The following LRRC7 variants were observed in gnomAD, a reference collection of about 807,000 sequenced individuals.
LRRC7 encodes leucine rich repeat containing 7, also known as leucine-rich repeat-containing protein 7.
A neutral mutation model predicts 175.7 loss-of-function variants in LRRC7; 23 were observed. The ratio of observed to expected loss-of-function variants is 0.13; its 90% CI spans 0.09 to 0.19. LRRC7 has a LOEUF of 0.19. Ranked by LOEUF, LRRC7 falls within the 10% of genes least tolerant of loss-of-function variation. The probability of loss-of-function intolerance (pLI) is 1.00; values close to 1 mark genes in which losing one functional copy is unlikely to be tolerated. For synonymous variants in LRRC7, 685 were observed against 680.9 expected (o/e 1.01, Z -0.09); for missense variants, 1,354 against 1,904.7 (o/e 0.71, Z 5.38).
intron 7 of LRRC7, among the ~76,000 whole-genome samples, chr1:69,878,353 T>C (rs1216718260): frequency 2.0e-5 from 3 of 151,578 alleles, no homozygotes; most frequent in East Asian, 1.9e-4. Context: ...GGGGCAAAAG[T>C]GCATCTAGAA....
intron 26 of LRRC7, among the ~76,000 whole-genome samples, chr1:70,120,966 A>G (rs1344622747): frequency 6.6e-6 from 1 of 152,092 alleles, no homozygotes; most frequent in Non-Finnish European, 1.5e-5. Context: ...ACAATCTGCA[A>G]CTTAATGTAG....
chr1:69,760,306 T>C lies in LRRC7; in HGVS notation c.216T>C (p.Leu72=), dbSNP rs758352734. The change falls in exon 3 of 27, where the codon CTT becomes CTC. Residue 72 remains leucine, a synonymous_variant. Transcript: ENST00000651989. The stretch of plus-strand genomic sequence containing the variant: ...TTTTAGATTACTCCCACTGCAGTCT[T>C]CAGCAGGTGCCAAAGGAGGTCTTTA... ...ISVLDYSHCS[L]QQVPKEVFNF... is the part of the protein sequence containing the mutation. 1 of 1,612,756 alleles carries C rather than the reference T, an allele frequency of 6.2e-7. No homozygotes were observed. The highest frequency in any genetic ancestry group is 8.5e-7 in the Non-Finnish European group (1 of 1,179,338).
rs1647195846 is a variant in LRRC7 at position 69,929,356 on chromosome 1, T to C, written c.648-2151T>C. Among the ~76,000 whole-genome samples, 5 of 152,182 alleles carry C rather than the reference T, an allele frequency of 3.3e-5. No homozygotes were observed. The South Asian group carries it at 1.0e-3, about 32-fold the overall frequency. ...GAGTAGAAATTTCCAACTGAACACC[T>C]AAAACTGAACTTCCAGTCTACCCAA... On this transcript the variant is annotated intron_variant, in intron 7 of 26. Coordinates refer to ENST00000651989, the MANE Select transcript of LRRC7 (RefSeq NM_001370785.2).
rs1453564861 is a variant in LRRC7 at position 69,883,332 on chromosome 1, T to G, written c.647+45049T>G. Among the ~76,000 whole-genome samples the G allele has an allele frequency of 3.3e-3, 467 of 141,020 alleles. 2 individuals are homozygous for G. The highest frequency in any genetic ancestry group is 0.01 in the Middle Eastern group (3 of 288). 92.5% of individuals were successfully genotyped at this position (141,020 alleles called of 152,430 possible). On this transcript the variant is annotated intron_variant, in intron 7 of 26. Transcript: ENST00000651989. ...TACCTGGTGTGAGATGGTATCTCAT[T>G]GTGGTTTTGATTTGCATTTCTCTGA...
intron 1 of LRRC7, among the ~76,000 whole-genome samples, chr1:69,575,787 G>GT (rs969154825): frequency 1.3e-5 from 2 of 152,080 alleles, no homozygotes; most frequent in Non-Finnish European, 2.9e-5. Context: ...CAACCAATAA[G>GT]TTTTCTCACC....
chr1:69,586,911 A>G (rs1646426158), intron 1 of LRRC7, among the ~76,000 whole-genome samples: 1 of 152,190 alleles, frequency 6.6e-6, no homozygotes, highest in South Asian at 2.1e-4. Flanking sequence ...GAGGAACAAT[A>G]TAGAATTCAA....
At chr1:69,617,765 C>T (rs780355288) in intron 1 of LRRC7, among the ~76,000 whole-genome samples, 1 of 151,968 alleles carries the variant, frequency 6.6e-6, no homozygotes, top group Non-Finnish European at 1.5e-5. Flanking sequence ...GTACTCACTC[C>T]TCCTCAAGGA....
chr1:69,797,457 C>T (rs1675924166), intron 4 of LRRC7, among the ~76,000 whole-genome samples: 2 of 152,044 alleles, frequency 1.3e-5, no homozygotes, highest in African/African-American at 4.8e-5. Context: ...TGCTTTTTTC[C>T]TCCATTGTCC....
intron 18 of LRRC7, among the ~76,000 whole-genome samples, chr1:70,033,902 T>G (rs1158372443): frequency 6.6e-6 from 1 of 152,164 alleles, no homozygotes; most frequent in Non-Finnish European, 1.5e-5. Context: ...TGTAATTAGG[T>G]ATCATAGGAA....
chr1:69,788,248 T>C (rs1674716393), intron 3 of LRRC7, among the ~76,000 whole-genome samples: 1 of 152,132 alleles, frequency 6.6e-6, no homozygotes, highest in Non-Finnish European at 1.5e-5. Context: ...AAATCCAGAC[T>C]CATGTAAGTC....
chr1:70,104,010 A>G (rs989467812), intron 25 of LRRC7, among the ~76,000 whole-genome samples: 1 of 152,346 alleles, frequency 6.6e-6, no homozygotes, highest in East Asian at 1.9e-4. Flanking sequence ...GCCAAATGTT[A>G]TAAGAAACTG....
In LRRC7 at chr1:70,141,822, T is replaced by C. The variant is rs1031610863; in HGVS notation, c.*19935T>C. The stretch of plus-strand genomic sequence containing the variant: ...GTGACTCAGGTTTTGTGTCTATGTA[T>C]AGGCACACATAAATAGGAGGTGTTT... On this transcript the variant is annotated 3_prime_UTR_variant, in exon 27 of 27. Transcript: ENST00000651989. 6.6e-6 allele frequency: 1 copy of C among 152,150 alleles called. No individual in the cohort carries two copies. The highest frequency in any genetic ancestry group is 2.4e-5 in the African/African-American group (1 of 41,452). The allele number at this position is 152,150 out of a possible 1,614,324, so 9.4% of individuals were successfully genotyped here. A position where few individuals can be genotyped will look rare whatever the true frequency, so the allele number is the denominator to read the frequency against.
At chr1:69,813,573 T>G (rs1678216761) in intron 4 of LRRC7, among the ~76,000 whole-genome samples, 1 of 152,182 alleles carries the variant, frequency 6.6e-6, no homozygotes, top group Admixed American at 6.6e-5. Context: ...ATTTGCTATT[T>G]GTGAATACGG....
At chr1:69,874,963 AG>A (rs1236575868) in intron 7 of LRRC7, 1 of 152,042 alleles carries the variant, frequency 6.6e-6, no homozygotes, top group African/African-American at 2.4e-5. Flanking sequence ...AAAAATTAAA[AG>A]GTATATTGCT....
At chr1:69,864,465 G>T (rs892621083) in intron 7 of LRRC7, among the ~76,000 whole-genome samples, 1 of 152,164 alleles carries the variant, frequency 6.6e-6, no homozygotes, top group Admixed American at 6.5e-5. Context: ...AAGCATATTG[G>T]CCAGAAGAGA....
intron 3 of LRRC7, among the ~76,000 whole-genome samples, chr1:69,775,283 ACTT>A (rs958336608): frequency 6.6e-6 from 1 of 152,190 alleles, no homozygotes; most frequent in Non-Finnish European, 1.5e-5. Flanking sequence ...TCTTTTCACT[ACTT>A]CTTTTAATAG....
chr1:69,729,844 C>T (rs1667373040), intron 2 of LRRC7, among the ~76,000 whole-genome samples: 1 of 152,230 alleles, frequency 6.6e-6, no homozygotes. Context: ...CTGTACTGCC[C>T]TAGCAGAAGT....
At position 70,038,686 on chromosome 1, in the gene LRRC7, G is replaced by A. The variant is rs370666609; in HGVS notation, c.2862G>A (p.Pro954=). 9.9e-6 allele frequency: 16 copies of A among 1,613,978 alleles called. 1 individual carries two copies. Among genetic ancestry groups the A allele is most frequent in the Admixed American group, 1.7e-5 (1 of 60,004 alleles). The change falls in exon 21 of 27, where the codon CCG becomes CCA. Residue 954 remains proline (P), a synonymous_variant. Transcript: ENST00000651989. ...SNVFSQIHCR[P]ESSKGVISIS... is the part of the protein sequence containing the mutation. ...TCTTTTCTCAAATCCACTGCCGCCC[G>A]GAATCTTCTAAAGGTGTTATTTCAA...
intron 2 of LRRC7, among the ~76,000 whole-genome samples, chr1:69,749,763 T>A (rs1283510247): frequency 6.6e-6 from 1 of 152,064 alleles, no homozygotes; most frequent in African/African-American, 2.4e-5. Context: ...AGGGAAAGTG[T>A]CTTCAGGGAA....
Sources: gnomAD v4.1 joint callset for allele counts (sites outside exome capture counted in the v4.1 genomes callset) on GRCh38, gnomAD v4.1.1 for gene constraint, MANE v1.5 for transcripts, NCBI Gene and HGNC (gene_info 2026-07-23, HGNC 2026-07-21) for gene names.